Variants in KIAA0825 observed in about 807,000 individuals in gnomAD.
The protein encoded by KIAA0825 is KIAA0825, also known as uncharacterized protein KIAA0825.
Under a neutral mutation model 147.6 loss-of-function variants are expected in KIAA0825, and 119 were observed. That is an observed-to-expected ratio of 0.81 (90% confidence interval 0.69 to 0.94). The LOEUF (loss-of-function observed/expected upper bound fraction) is 0.94. Ranked by LOEUF, KIAA0825 falls within the 40% of genes least tolerant of loss-of-function variation. The pLI is 0.00. For missense variants in KIAA0825, 1,381 were observed against 1,472.7 expected (o/e 0.94, Z 1.02); for synonymous variants, 470 against 518.1 (o/e 0.91, Z 1.26).
At chr5:94,345,892 T>C (rs982687232) in intron 20 of KIAA0825, among the ~76,000 whole-genome samples, 10 of 151,710 alleles carry the variant, frequency 6.6e-5, no homozygotes, top group African/African-American at 2.4e-4. Context: ...CATGAGAGGG[T>C]TGTGATCATT....
At chr5:94,562,301 C>T (rs1038609728) in intron 2 of KIAA0825, among the ~76,000 whole-genome samples, 10 of 152,196 alleles carry the variant, frequency 6.6e-5, no homozygotes, top group South Asian at 2.1e-4. Context: ...ATTTTAAAAA[C>T]AATCAATAAA....
At chr5:94,530,938 T>C (rs1478308745) in intron 3 of KIAA0825, among the ~76,000 whole-genome samples, 1 of 152,202 alleles carries the variant, frequency 6.6e-6, no homozygotes, top group African/African-American at 2.4e-5. Flanking sequence ...TTCAGTATCA[T>C]ACTATTCAAC....
chr5:94,328,297 G>A (rs1780910870), intron 20 of KIAA0825, among the ~76,000 whole-genome samples: 1 of 152,130 alleles, frequency 6.6e-6, no homozygotes, highest in African/African-American at 2.4e-5. Flanking sequence ...TTATAAAAAT[G>A]TTATGTAAGA....
At chr5:94,359,752 A>G (rs1417909864) in intron 20 of KIAA0825, among the ~76,000 whole-genome samples, 2 of 152,206 alleles carry the variant, frequency 1.3e-5, no homozygotes, top group Non-Finnish European at 2.9e-5. Flanking sequence ...GAAAATTAAG[A>G]TTTCTTCCAG....
chr5:94,326,967 T>C (rs911928177), intron 20 of KIAA0825, among the ~76,000 whole-genome samples: 17 of 152,286 alleles, frequency 1.1e-4, no homozygotes, highest in Admixed American at 9.2e-4. Context: ...CTGACCCATT[T>C]TGAATATAAA....
intron 20 of KIAA0825, among the ~76,000 whole-genome samples, chr5:94,314,962 G>C (rs1031466394): frequency 1.3e-5 from 2 of 151,484 alleles, no homozygotes; most frequent in Non-Finnish European, 3.0e-5. Context: ...AGTTGACGTT[G>C]CTCTCTCTCT....
chr5:94,195,162 G>C (rs887907495), intron 20 of KIAA0825, among the ~76,000 whole-genome samples: 1 of 152,138 alleles, frequency 6.6e-6, no homozygotes, highest in African/African-American at 2.4e-5. Context: ...ATTCCTTTAA[G>C]CTAATTTTTC....
chr5:94,247,099 A>G (rs1775668081), intron 20 of KIAA0825, among the ~76,000 whole-genome samples: 1 of 152,110 alleles, frequency 6.6e-6, no homozygotes, highest in African/African-American at 2.4e-5. Context: ...CTGCCTACTT[A>G]AAGAAATATG....
At chr5:94,428,596 G>C (rs2193533) in intron 14 of KIAA0825, among the ~76,000 whole-genome samples, 1 of 152,160 alleles carries the variant, frequency 6.6e-6, no homozygotes, top group South Asian at 2.1e-4. Context: ...TGACTCACAA[G>C]GTTTCTGCTG....
chr5:94,272,896 G>A (rs1777056829), intron 20 of KIAA0825, among the ~76,000 whole-genome samples: 1 of 152,176 alleles, frequency 6.6e-6, no homozygotes, highest in Non-Finnish European at 1.5e-5. Context: ...ATAGGAAAAG[G>A]CCTCCTTCTG....
At chr5:94,512,353 T>C (rs1766605941) in intron 5 of KIAA0825, among the ~76,000 whole-genome samples, 2 of 152,156 alleles carry the variant, frequency 1.3e-5, no homozygotes, top group African/African-American at 4.8e-5. Flanking sequence ...ACGTTTATAA[T>C]AGCCCATTGG....
At chr5:94,210,689 TTTTTACAAACTACAGAAAGAGCTAGAAGA>T (rs1772629065) in intron 20 of KIAA0825, among the ~76,000 whole-genome samples, 1 of 152,126 alleles carries the variant, frequency 6.6e-6, no homozygotes, top group Non-Finnish European at 1.5e-5. Flanking sequence ...GAAAATTCTT[TTTTTACAAACTACAGAAAGAGCTAGAAGA>T]GCAAAAGATA....
chr5:94,451,475 T>C (rs1758393295), intron 13 of KIAA0825, among the ~76,000 whole-genome samples: 1 of 152,186 alleles, frequency 6.6e-6, no homozygotes, highest in Admixed American at 6.6e-5. Flanking sequence ...CCCTCATGAA[T>C]TTGCATAAAA....
In KIAA0825 at chr5:94,520,350, A is replaced by G. The variant is rs1767932573; in HGVS notation, c.868T>C (p.Phe290Leu). ...LDTVTEEMAK[F>L]LENFCELQFR... ...TGCAGCTCACAAAAATTTTCAAGAAATTTTGCCATTTCTTCTGTAACAGTA... is the reference window on the plus strand; with the variant it reads ...TGCAGCTCACAAAAATTTTCAAGAAGTTTTGCCATTTCTTCTGTAACAGTA... The change falls in exon 5 of 21, where the codon TTT becomes CTT. Residue 290 changes from phenylalanine to leucine, a missense_variant. Transcript: ENST00000682413. The G allele has an allele frequency of 6.2e-7, 1 of 1,613,394 alleles. No individual in the cohort carries two copies. Among genetic ancestry groups the G allele is most frequent in the African/African-American group, 1.3e-5 (1 of 74,902 alleles).
intron 13 of KIAA0825, among the ~76,000 whole-genome samples, chr5:94,441,208 T>A (rs1485993200): frequency 6.9e-6 from 1 of 144,874 alleles, no homozygotes. Flanking sequence ...ACCAGCAGCA[T>A]CAACATCACA....
chr5:94,514,089 T>C (rs1029926081), intron 5 of KIAA0825, among the ~76,000 whole-genome samples: 8 of 152,140 alleles, frequency 5.3e-5, no homozygotes, highest in African/African-American at 1.9e-4. Flanking sequence ...AAAATATAGA[T>C]GCATCTTGCA....
intron 20 of KIAA0825, among the ~76,000 whole-genome samples, chr5:94,270,118 G>A (rs779248506): frequency 1.7e-4 from 26 of 152,030 alleles, no homozygotes; most frequent in Non-Finnish European, 1.8e-4. Context: ...AACCTGAACC[G>A]AACAATAGTA....
chr5:94,509,016 G>T (rs1272322047), intron 5 of KIAA0825, among the ~76,000 whole-genome samples: 1 of 152,200 alleles, frequency 6.6e-6, no homozygotes, highest in Non-Finnish European at 1.5e-5. Context: ...ATACACAGCT[G>T]CCTGTGACAT....
At chr5:94,401,567 ACCCC>A (rs1751380016) in intron 16 of KIAA0825, among the ~76,000 whole-genome samples, 1 of 152,046 alleles carries the variant, frequency 6.6e-6, no homozygotes, top group Non-Finnish European at 1.5e-5. Flanking sequence ...AGAGCATGGC[ACCCC>A]TGCTCTTCCC....
Sources: allele counts gnomAD v4.1 joint callset (sites outside exome capture counted in the v4.1 genomes callset), GRCh38; gene constraint gnomAD v4.1.1; transcripts MANE v1.5; gene names NCBI Gene and HGNC (gene_info 2026-07-23, HGNC 2026-07-21).